The following OSBPL3 variants were observed in gnomAD, a reference collection of about 807,000 sequenced individuals.
OSBPL3 encodes the protein oxysterol-binding protein-related protein 3.
A neutral mutation model predicts 120.1 loss-of-function variants in OSBPL3; 65 were observed. The observed-to-expected ratio is 0.54, with a 90% CI of 0.44 to 0.67. The LOEUF is 0.67. Ranked by LOEUF, OSBPL3 falls within the 30% of genes least tolerant of loss-of-function variation. OSBPL3 has a pLI of 0.00. For synonymous variants in OSBPL3, 416 were observed against 402.6 expected, an observed-to-expected ratio of 1.03 and a Z score of -0.40; for missense variants, 1,004 against 1,082.1, an observed-to-expected ratio of 0.93 and a Z score of 1.01.
intron 2 of OSBPL3, among the ~76,000 whole-genome samples, chr7:24,875,324 T>C (rs1160891435): frequency 6.6e-6 from 1 of 152,214 alleles, no homozygotes; most frequent in African/African-American, 2.4e-5. Context: ...GCCATGCTAT[T>C]TGAGTTATTA....
chr7:24,911,928 C>A (rs1255614506), intron 1 of OSBPL3, among the ~76,000 whole-genome samples: 1 of 152,146 alleles, frequency 6.6e-6, no homozygotes, highest in Non-Finnish European at 1.5e-5. Flanking sequence ...AGCTAAAAGG[C>A]AAGAAAAACC....
chr7:24,976,298 T>C (rs1438429416), intron 1 of OSBPL3, among the ~76,000 whole-genome samples: 1 of 152,222 alleles, frequency 6.6e-6, no homozygotes, highest in Non-Finnish European at 1.5e-5. Context: ...TTATTCACTA[T>C]GTAAGCCACC....
In OSBPL3 at chr7:24,863,108, A is replaced by C; in HGVS notation, c.870+92T>G. 3 of 849,518 alleles carry C rather than the reference A, an allele frequency of 3.5e-6. No individual in the cohort carries two copies. The highest frequency in any genetic ancestry group is 6.1e-6 in the Non-Finnish European group (3 of 490,130). 52.6% of individuals were successfully genotyped at this position (849,518 alleles called of 1,614,324 possible). A position where few individuals can be genotyped will look rare whatever the true frequency, so the allele number is the denominator to read the frequency against. ...ACAACTACAGAATATTCACTCATCT[A>C]TTCTCCTAGCTGAGTCAAGGTAGCT... On this transcript the variant is annotated intron_variant, in intron 9 of 22. Coordinates refer to ENST00000313367, the MANE Select transcript of OSBPL3 (RefSeq NM_015550.4). This position sits in a 1 kb window ranked among gnomAD's most constrained non-coding sequence, Gnocchi z 5.8.
intron 5 of OSBPL3, among the ~76,000 whole-genome samples, chr7:24,868,670 G>A (rs1801696726): frequency 6.6e-6 from 1 of 152,056 alleles, no homozygotes; most frequent in South Asian, 2.1e-4. Flanking sequence ...CACCTGCAGG[G>A]GCTTTTTAAT....
chr7:24,980,360 A>G (rs760714158), upstream of OSBPL3, among the ~76,000 whole-genome samples: 8 of 151,942 alleles, frequency 5.3e-5, no homozygotes, highest in Non-Finnish European at 1.0e-4. Flanking sequence ...GGAAGAAGCC[A>G]GCGGATTCCA....
intron 2 of OSBPL3, among the ~76,000 whole-genome samples, chr7:24,885,800 G>C (rs969727167): frequency 6.6e-6 from 1 of 152,048 alleles, no homozygotes; most frequent in Admixed American, 6.5e-5. Context: ...TTAATAACAG[G>C]CTCTCAATAC....
chr7:24,961,627 C>G (rs1815750088), intron 1 of OSBPL3, among the ~76,000 whole-genome samples: 1 of 152,142 alleles, frequency 6.6e-6, no homozygotes, highest in Non-Finnish European at 1.5e-5. Context: ...CACCAGACAC[C>G]AGATCTGCTG....
At chr7:24,977,358 A>G (rs940313290) in intron 1 of OSBPL3, among the ~76,000 whole-genome samples, 1 of 152,184 alleles carries the variant, frequency 6.6e-6, no homozygotes, top group Non-Finnish European at 1.5e-5. Context: ...TTACAGCCCA[A>G]TCTCAGATGG....
In OSBPL3 at chr7:24,918,574, A is replaced by G. The variant is rs1810006702; in HGVS notation, c.-149-25953T>C. Among the ~76,000 whole-genome samples, 1 of 152,218 alleles carries G rather than the reference A, an allele frequency of 6.6e-6. No individual in the cohort carries two copies. The highest frequency in any genetic ancestry group is 2.4e-5 in the African/African-American group (1 of 41,452). ...TGGGCTTACTTAGAAACATATGTAC[A>G]AGCAATTAACTTTATATTTACCCAA... On this transcript the variant is annotated intron_variant, in intron 1 of 22. Coordinates refer to ENST00000313367, the MANE Select transcript of OSBPL3 (RefSeq NM_015550.4). The surrounding 1 kb of genome is among the most constrained non-coding windows in gnomAD (Gnocchi z 4.3).
At chr7:24,884,377 G>A (rs756515051) in intron 2 of OSBPL3, among the ~76,000 whole-genome samples, 1 of 152,116 alleles carries the variant, frequency 6.6e-6, no homozygotes, top group Non-Finnish European at 1.5e-5. Flanking sequence ...TTTCCACAGT[G>A]GGGGAAACAT....
chr7:24,806,939 T>A lies in OSBPL3; in HGVS notation c.2318-37A>T, dbSNP rs1316783518. ...ATAAATCATTCACCCCTAACTTGCA[T>A]GTTACTTATGTTACATTTTAATTCC... is the stretch of plus-strand genomic sequence containing the variant. On this transcript the variant is annotated intron_variant, in intron 20 of 22. Coordinates refer to ENST00000313367, the MANE Select transcript of OSBPL3 (RefSeq NM_015550.4). The surrounding 1 kb of genome is among the most constrained non-coding windows in gnomAD (Gnocchi z 5.2). 1.3e-6 allele frequency: 2 copies of A among 1,533,888 alleles called. No homozygotes were observed. The highest frequency in any genetic ancestry group is 1.4e-5 in the African/African-American group (1 of 72,084).
rs1474618750 is a variant in OSBPL3, at chr7:24,851,201, A to T, written c.1158+1303T>A. Reference sequence around the variant, plus strand: ...TAAGAAAGTTAGGGAAAAAAAACAAAAACACTTTGCTTCTGCTTCTCTCAA... The same window carrying T: ...TAAGAAAGTTAGGGAAAAAAAACAATAACACTTTGCTTCTGCTTCTCTCAA... On this transcript the variant is annotated intron_variant, in intron 11 of 22. Coordinates refer to ENST00000313367, the MANE Select transcript of OSBPL3 (RefSeq NM_015550.4). The surrounding 1 kb of genome is among the most constrained non-coding windows in gnomAD (Gnocchi z 4.1). Among the ~76,000 whole-genome samples the T allele has an allele frequency of 6.6e-6, 1 of 152,220 alleles. No individual in the cohort carries two copies.
chr7:24,894,642 G>A lies in OSBPL3; in HGVS notation c.-149-2021C>T, dbSNP rs1805865338. Among the ~76,000 whole-genome samples, 2 of 152,306 alleles carry A rather than the reference G, an allele frequency of 1.3e-5. No individual in the cohort carries two copies. The highest frequency in any genetic ancestry group is 4.1e-4 in the South Asian group (2 of 4,822). On this transcript the variant is annotated intron_variant, in intron 1 of 22. Transcript: ENST00000313367. This position sits in a 1 kb window ranked among gnomAD's most constrained non-coding sequence, Gnocchi z 4.1. ...AGGAATACCAGCGGAGTGTTTGTGT[G>A]TGTGTGTACAAGCTTTGCTTTTGTT... is the stretch of plus-strand genomic sequence containing the variant.
At position 24,879,392 on chromosome 7, in the gene OSBPL3, C is replaced by T. The variant is rs976250677; in HGVS notation, c.97-7323G>A. On this transcript the variant is annotated intron_variant, in intron 2 of 22. Transcript: ENST00000313367. This position sits in a 1 kb window ranked among gnomAD's most constrained non-coding sequence, Gnocchi z 5.6. ...GACTAAATGGGAGTAGCAGTCATCA[C>T]CCGCCACCGTCACCATCCCTTCTTT... Among the ~76,000 whole-genome samples the T allele has an allele frequency of 2.0e-5, 3 of 152,176 alleles. No homozygotes were observed. The highest frequency in any genetic ancestry group is 4.8e-5 in the African/African-American group (2 of 41,458).
rs1307853917 is a variant in OSBPL3, at chr7:24,937,463, G to A, written c.-150+42423C>T. On this transcript the variant is annotated intron_variant, in intron 1 of 22. Transcript: ENST00000313367. This position sits in a 1 kb window ranked among gnomAD's most constrained non-coding sequence, Gnocchi z 4.0. ...CATTATTCTTGAGGTTTACCCATAAGGATACATATAGTTTTAGTTCTTTCT... is the reference window on the plus strand; with the variant it reads ...CATTATTCTTGAGGTTTACCCATAAAGATACATATAGTTTTAGTTCTTTCT... 6.6e-6 allele frequency among the ~76,000 whole-genome samples: 1 copy of A among 152,102 alleles called. No homozygotes were observed. The highest frequency in any genetic ancestry group is 1.5e-5 in the Non-Finnish European group (1 of 68,010).
At position 24,854,827 on chromosome 7, in the gene OSBPL3, T is replaced by C. The variant is rs1211928528; in HGVS notation, c.1028-2193A>G. On this transcript the variant is annotated intron_variant, in intron 10 of 22. Transcript: ENST00000313367. This position sits in a 1 kb window ranked among gnomAD's most constrained non-coding sequence, Gnocchi z 4.1. ...GGATAATAATAACTTTTACTTTAAA[T>C]GGTTGTCATGAGGATTGAATGAGAG... 1.3e-5 allele frequency among the ~76,000 whole-genome samples: 2 copies of C among 152,170 alleles called. No individual in the cohort carries two copies. The highest frequency in any genetic ancestry group is 2.1e-4 in the South Asian group (1 of 4,828).
chr7:24,870,601 C>A (rs1287937096), intron 5 of OSBPL3, 131 bp downstream of exon 5: 11 of 649,098 alleles, frequency 1.7e-5, no homozygotes, highest in Non-Finnish European at 2.9e-5. Context: ...CAACACTGTA[C>A]ATGAGAAACA....
At chr7:24,838,144 T>C (rs1263138322) in intron 14 of OSBPL3, among the ~76,000 whole-genome samples, 1 of 152,160 alleles carries the variant, frequency 6.6e-6, no homozygotes, top group Admixed American at 6.5e-5. Context: ...GACACACATT[T>C]CTAGTATTCA....
chr7:24,841,392 A>C (rs1170847975), intron 13 of OSBPL3, among the ~76,000 whole-genome samples: 1 of 151,886 alleles, frequency 6.6e-6, no homozygotes, highest in Admixed American at 6.6e-5. Flanking sequence ...TATAGTAGAC[A>C]CATTATTAAA....
Sources: allele counts gnomAD v4.1 joint callset (sites outside exome capture counted in the v4.1 genomes callset), GRCh38; gene constraint gnomAD v4.1.1; non-coding constraint Gnocchi (gnomAD v3.1); transcripts MANE v1.5; gene names NCBI Gene and HGNC (gene_info 2026-07-23, HGNC 2026-07-21).